Variants in DNAH12 observed in about 807,000 individuals in gnomAD.
DNAH12 encodes the protein axonemal beta dynein heavy chain 12.
Under a neutral mutation model 371.5 loss-of-function variants are expected in DNAH12, and 285 were observed. The observed-to-expected ratio is 0.77, with a 90% CI of 0.70 to 0.85. DNAH12 has a LOEUF of 0.85. DNAH12 is among the 40% of genes least tolerant of loss of function. DNAH12 has a pLI of 0.00. For missense variants in DNAH12, 3,611 were observed against 3,689.4 expected, an observed-to-expected ratio of 0.98 and a Z score of 0.55; for synonymous variants, 1,200 against 1,213.0, an observed-to-expected ratio of 0.99 and a Z score of 0.22.
intron 55 of DNAH12, among the ~76,000 whole-genome samples, chr3:57,370,861 G>A (rs2063155803): frequency 6.6e-6 from 1 of 152,148 alleles, no homozygotes; most frequent in Admixed American, 6.5e-5. Flanking sequence ...AGGTCCATAT[G>A]TTGGGGGAGG....
At chr3:57,441,440 T>C (rs547189565) in intron 29 of DNAH12, among the ~76,000 whole-genome samples, 7 of 152,212 alleles carry the variant, frequency 4.6e-5, no homozygotes, top group South Asian at 2.1e-4. Flanking sequence ...TGGTCTAATA[T>C]ACATGTCACT....
rs549402759 is a variant in DNAH12, at chr3:57,472,766, G to T, written c.1651-95C>A. Reference sequence around the variant, plus strand: ...AACAACAATCTCTAATACCCTTTCAGATTTCAGTTTGACTCAGATTATTAA... The same window carrying T: ...AACAACAATCTCTAATACCCTTTCATATTTCAGTTTGACTCAGATTATTAA... On this transcript the variant is annotated intron_variant, in intron 13 of 73. Coordinates refer to ENST00000495027, the MANE Select transcript of DNAH12 (RefSeq NM_001366028.2). 1.1e-5 allele frequency: 15 copies of T among 1,314,242 alleles called. No individual in the cohort carries two copies. In the South Asian group the frequency reaches 1.6e-4, roughly 14 times the overall value. The allele number at this position is 1,314,242 out of a possible 1,614,324, so 81.4% of individuals were successfully genotyped here.
At chr3:57,490,591 C>T (rs2067082047) in intron 11 of DNAH12, among the ~76,000 whole-genome samples, 1 of 152,050 alleles carries the variant, frequency 6.6e-6, no homozygotes, top group Admixed American at 6.6e-5. Flanking sequence ...ACTTGATCTC[C>T]ACTCTCTACT....
At chr3:57,309,500 A>T (rs973961958) in intron 68 of DNAH12, among the ~76,000 whole-genome samples, 166 bp downstream of exon 68, 1 of 152,192 alleles carries the variant, frequency 6.6e-6, no homozygotes, top group African/African-American at 2.4e-5. Flanking sequence ...CAAAAAACTT[A>T]AAAAAATTGG....
At chr3:57,302,712 A>G (rs2107658134) in intron 69 of DNAH12, among the ~76,000 whole-genome samples, 1 of 148,846 alleles carries the variant, frequency 6.7e-6, no homozygotes, top group African/African-American at 2.5e-5. Flanking sequence ...CGTAACTGAG[A>G]TTGCAGGCAT....
chr3:57,508,614 C>T, intron 6 of DNAH12, 74 bp from the exon 7 acceptor site: 2 of 1,498,032 alleles, frequency 1.3e-6, no homozygotes, highest in South Asian at 1.3e-5. Context: ...ATGCTTATAA[C>T]ATGAAATTAG....
In DNAH12 at chr3:57,389,820, G is replaced by A. The variant is rs1189110223; in HGVS notation, c.7305+2052C>T. Among the ~76,000 whole-genome samples, 410 of 72,378 alleles carry A rather than the reference G, an allele frequency of 5.7e-3. 4 individuals carry two copies. The highest frequency in any genetic ancestry group is 0.014 in the African/African-American group (359 of 26,296). 47.5% of individuals were successfully genotyped at this position (72,378 alleles called of 152,430 possible). On this transcript the variant is annotated intron_variant, in intron 45 of 73. Transcript: ENST00000495027. ...CATATGTGTGTGTGTGTGTGTGTGT[G>A]TGTATATATATATATATATAATACT...
chr3:57,488,324 C>G (rs2067003624), intron 12 of DNAH12, among the ~76,000 whole-genome samples: 1 of 152,116 alleles, frequency 6.6e-6, no homozygotes, highest in Admixed American at 6.5e-5. Flanking sequence ...TCCTGAGTAG[C>G]TGGGGTTACA....
At chr3:57,303,352 A>G (rs1279233053) in intron 69 of DNAH12, among the ~76,000 whole-genome samples, 2 of 151,018 alleles carry the variant, frequency 1.3e-5, no homozygotes, top group African/African-American at 4.8e-5. Flanking sequence ...AAAAAAAAAA[A>G]AAAAAAAGAT....
intron 17 of DNAH12, among the ~76,000 whole-genome samples, chr3:57,465,883 T>C (rs1200041687): frequency 6.6e-6 from 1 of 152,150 alleles, no homozygotes; most frequent in Non-Finnish European, 1.5e-5. Flanking sequence ...TTACTTGCAG[T>C]AAGAGAAATG....
intron 45 of DNAH12, among the ~76,000 whole-genome samples, chr3:57,388,989 C>T (rs895993938): frequency 1.1e-4 from 16 of 152,068 alleles, no homozygotes; most frequent in Non-Finnish European, 2.4e-4. Flanking sequence ...ACCAACATGG[C>T]ACATGTATAC....
At chr3:57,483,062 AAAGTAT>A (rs1254449466) in intron 13 of DNAH12, among the ~76,000 whole-genome samples, 8 of 150,926 alleles carry the variant, frequency 5.3e-5, no homozygotes, top group Non-Finnish European at 7.4e-5. Context: ...CCTAAAACTT[AAAGTAT>A]AATAATAAAA....
intron 70 of DNAH12, 68 bp downstream of exon 70, chr3:57,301,667 A>G (rs2061347540): frequency 6.7e-7 from 1 of 1,491,400 alleles, no homozygotes; most frequent in Admixed American, 2.1e-5. Flanking sequence ...ACATATTTAT[A>G]CATGTATTTT....
At chr3:57,476,587 T>A (rs1203328364) in intron 13 of DNAH12, among the ~76,000 whole-genome samples, 1 of 84,080 alleles carries the variant, frequency 1.2e-5, no homozygotes, top group Non-Finnish European at 2.7e-5. Context: ...ATAAAAAAAA[T>A]CAGAATAGCA....
In DNAH12 at chr3:57,380,679, G is replaced by A. The variant is rs1004389581; in HGVS notation, c.7993-312C>T. On this transcript the variant is annotated intron_variant, in intron 50 of 73. Transcript: ENST00000495027. ...GGGGTTTCACCATGTTGGCCAGGCT[G>A]GTCTCCAACTCCTGACCTCAAGTGA... Among the ~76,000 whole-genome samples, 99 of 152,092 alleles carry A rather than the reference G, an allele frequency of 6.5e-4. 2 individuals carry two copies. The highest frequency in any genetic ancestry group is 5.0e-4 in the Non-Finnish European group (34 of 68,032).
intron 35 of DNAH12, among the ~76,000 whole-genome samples, chr3:57,422,478 G>A (rs763149819): frequency 1.8e-4 from 28 of 152,194 alleles, no homozygotes; most frequent in Non-Finnish European, 3.7e-4. Flanking sequence ...ACAGGTGTGA[G>A]ACACCGCGCC....
chr3:57,294,171 CTTTTCT>C lies in DNAH12; in HGVS notation c.11693-206_11693-201del, dbSNP rs1426082225. 9.3e-3 allele frequency among the ~76,000 whole-genome samples: 1,153 copies of C among 124,336 alleles called. 7 individuals are homozygous for C. Among genetic ancestry groups the C allele is most frequent in the Non-Finnish European group, 0.013 (762 of 60,330 alleles). 81.6% of individuals were successfully genotyped at this position (124,336 alleles called of 152,430 possible). ...GTGAAACAAGGCAAGTATTTCTTTT[CTTTTCT>C]TTTTTTTTTTTTTTTTGGAGACTGA... On this transcript the variant is annotated intron_variant, in intron 73 of 73. Coordinates refer to ENST00000495027, the MANE Select transcript of DNAH12 (RefSeq NM_001366028.2).
intron 59 of DNAH12, among the ~76,000 whole-genome samples, chr3:57,354,573 TAAAC>T (rs2062755918): frequency 2.7e-5 from 4 of 148,494 alleles, no homozygotes; most frequent in African/African-American, 1.0e-4. Flanking sequence ...AAAAAAAATC[TAAAC>T]AAACAGCTGC....
intron 43 of DNAH12, among the ~76,000 whole-genome samples, chr3:57,403,089 T>C (rs1024054333): frequency 6.6e-6 from 1 of 152,150 alleles, no homozygotes; most frequent in Non-Finnish European, 1.5e-5. Context: ...CTGCATTGCA[T>C]TGCTGTGCCT....
Sources: gnomAD v4.1 joint callset for allele counts (sites outside exome capture counted in the v4.1 genomes callset) on GRCh38, gnomAD v4.1.1 for gene constraint, MANE v1.5 for transcripts, NCBI Gene and HGNC (gene_info 2026-07-23, HGNC 2026-07-21) for gene names.